UGT1A10: variants seen among roughly 807,000 people sequenced by gnomAD.
UGT1A10 encodes UDP-glucuronosyltransferase 1A10.
In UGT1A10, 49 loss-of-function variants were observed where a neutral mutation model predicts 45.8. The ratio of observed to expected loss-of-function variants is 1.07; its 90% CI spans 0.85 to 1.36. UGT1A10 has a LOEUF of 1.36. UGT1A10 is among the 40% of genes most tolerant of loss of function. UGT1A10 has a pLI of 0.00. For missense variants in UGT1A10, 745 were observed against 668.6 expected (o/e 1.11, Z -1.26); for synonymous variants, 284 against 249.7 (o/e 1.14, Z -1.29).
chr2:233,745,759 G>A (rs1184455578), intron 1 of UGT1A10, among the ~76,000 whole-genome samples: 1 of 150,666 alleles, frequency 6.6e-6, no homozygotes, highest in Non-Finnish European at 1.5e-5. Flanking sequence ...CAGAAGGGGT[G>A]GAGAGGAGGA....
intron 1 of UGT1A10, chr2:233,671,863 T>C: frequency 6.6e-7 from 1 of 1,517,102 alleles, no homozygotes; most frequent in Non-Finnish European, 8.8e-7. Flanking sequence ...GGTTTTGTGC[T>C]GGTATTTCTC....
Position 233,768,300 on chromosome 2 carries a change from G to C in UGT1A10, c.1156G>C (p.Val386Leu), listed in dbSNP as rs1365887380. Residue 386 changes from valine (V) to leucine (L), a missense_variant, in exon 4 of 5, where the codon GTG becomes CTG. Coordinates refer to ENST00000344644, the MANE Select transcript of UGT1A10 (RefSeq NM_019075.4). Reference protein sequence around the residue: ...YESICNGVPMVMMPLFGDQMD... With the variant: ...YESICNGVPMLMMPLFGDQMD... ...AAGCATATGCAATGGCGTTCCCATG[G>C]TGATGATGCCCTTGTTTGGTGATCA... 1 of 1,614,196 alleles carries C rather than the reference G, an allele frequency of 6.2e-7. No homozygotes were observed. Among genetic ancestry groups the C allele is most frequent in the Admixed American group, 1.7e-5 (1 of 60,014 alleles).
At chr2:233,638,769 TGAAAGAGTGACCGTTC>T (rs1199676930) in intron 1 of UGT1A10, among the ~76,000 whole-genome samples, 1 of 152,166 alleles carries the variant, frequency 6.6e-6, no homozygotes, top group East Asian at 1.9e-4. Flanking sequence ...AGATGGTTGG[TGAAAGAGTGACCGTTC>T]AGCCATCTCA....
At chr2:233,720,329 A>G (rs2076851533) in intron 1 of UGT1A10, among the ~76,000 whole-genome samples, 1 of 152,074 alleles carries the variant, frequency 6.6e-6, no homozygotes, top group Admixed American at 6.5e-5. Flanking sequence ...GACATCGTAG[A>G]GTTTGGAAGG....
intron 1 of UGT1A10, among the ~76,000 whole-genome samples, chr2:233,641,843 C>T (rs1466898153): frequency 6.6e-6 from 1 of 152,086 alleles, no homozygotes. Context: ...CTCTCCTGGC[C>T]TGTAAGGGTT....
intron 1 of UGT1A10, among the ~76,000 whole-genome samples, chr2:233,696,549 T>C (rs1159703071): frequency 2.6e-5 from 4 of 152,222 alleles, no homozygotes; most frequent in Non-Finnish European, 4.4e-5. Flanking sequence ...TTTCTGAATA[T>C]ATTATGTCAT....
intron 1 of UGT1A10, among the ~76,000 whole-genome samples, chr2:233,640,479 T>A (rs1049796080): frequency 9.8e-5 from 15 of 152,290 alleles, no homozygotes; most frequent in African/African-American, 2.6e-4. Context: ...TATTATCTCA[T>A]TTCTAGCCCA....
intron 1 of UGT1A10, among the ~76,000 whole-genome samples, chr2:233,695,531 T>C (rs988065073): frequency 7.9e-5 from 12 of 152,050 alleles, no homozygotes; most frequent in Admixed American, 7.9e-4. Flanking sequence ...TTCTTTTTTC[T>C]TTTTCTTTTT....
chr2:233,734,021 G>A (rs2078468168), intron 1 of UGT1A10, among the ~76,000 whole-genome samples: 1 of 152,072 alleles, frequency 6.6e-6, no homozygotes, highest in Non-Finnish European at 1.5e-5. Context: ...ACGAGTTAAT[G>A]GGTGCAGCAC....
intron 1 of UGT1A10, chr2:233,740,614 G>C (rs1166695020): frequency 6.6e-6 from 1 of 151,764 alleles, no homozygotes; most frequent in Non-Finnish European, 1.5e-5. Context: ...AGGTCTCTTG[G>C]GGCTCACAGG....
At chr2:233,736,510 T>C (rs77531777) in intron 1 of UGT1A10, among the ~76,000 whole-genome samples, 9,193 of 152,294 alleles carry the variant, frequency 0.06, 873 homozygotes, top group African/African-American at 0.21. Flanking sequence ...AGCCTACTTC[T>C]GTCAACTCGT....
chr2:233,640,343 T>A (rs1361298832), intron 1 of UGT1A10, among the ~76,000 whole-genome samples: 1 of 152,190 alleles, frequency 6.6e-6, no homozygotes, highest in Non-Finnish European at 1.5e-5. Flanking sequence ...TGGCTGTCAT[T>A]TTTTTAGTGG....
chr2:233,668,165 C>T (rs139982547), intron 1 of UGT1A10, among the ~76,000 whole-genome samples: 164 of 152,200 alleles, frequency 1.1e-3, no homozygotes, highest in African/African-American at 3.7e-3. Flanking sequence ...ATTAACTCGT[C>T]ATTTACATTA....
At chr2:233,753,955 A>G (rs892608608) in intron 1 of UGT1A10, among the ~76,000 whole-genome samples, 11 of 152,214 alleles carry the variant, frequency 7.2e-5, no homozygotes, top group Non-Finnish European at 1.6e-4. Context: ...CCTCCAAAAT[A>G]TTAAGAGAAT....
intron 1 of UGT1A10, among the ~76,000 whole-genome samples, chr2:233,695,211 C>T (rs1186874462): frequency 6.6e-6 from 1 of 150,648 alleles, no homozygotes. Flanking sequence ...CTGCAACCTC[C>T]ACCTCCTGGG....
chr2:233,754,803 G>T lies in UGT1A10; in HGVS notation c.856-12231G>T, dbSNP rs550413061. 8.8e-5 allele frequency: 113 copies of T among 1,279,154 alleles called. No homozygotes were observed. In the South Asian group the frequency reaches 1.3e-3, roughly 15 times the overall value. The allele number at this position is 1,279,154 out of a possible 1,614,324, so 79.2% of individuals were successfully genotyped here. On this transcript the variant is annotated intron_variant, in intron 1 of 4. Transcript: ENST00000344644. ...AAAGGAACGAAATCCTGTATCAAAAGAAGAAAAACCACCCTCAAAAGCTGG... is the reference window on the plus strand; with the variant it reads ...AAAGGAACGAAATCCTGTATCAAAATAAGAAAAACCACCCTCAAAAGCTGG...
Position 233,772,748 on chromosome 2 carries a change from T to C in UGT1A10, c.*189T>C. 7.0e-7 allele frequency: 1 copy of C among 1,420,206 alleles called. No individual in the cohort carries two copies. The highest frequency in any genetic ancestry group is 9.2e-7 in the Non-Finnish European group (1 of 1,083,550). The allele number at this position is 1,420,206 out of a possible 1,614,324, so 88.0% of individuals were successfully genotyped here. A position where few individuals can be genotyped will look rare whatever the true frequency, so the allele number is the denominator to read the frequency against. ...AGACTCGCTAGTCAGTAAAGATATT[T>C]GAATATGTATCGTGCCCCCTCTGGT... On this transcript the variant is annotated 3_prime_UTR_variant, in exon 5 of 5. Transcript: ENST00000344644.
At chr2:233,715,333 G>A (rs2076445731) in intron 1 of UGT1A10, among the ~76,000 whole-genome samples, 1 of 152,000 alleles carries the variant, frequency 6.6e-6, no homozygotes, top group South Asian at 2.1e-4. Flanking sequence ...TGATTAGATT[G>A]GTGCATGTAG....
chr2:233,762,967 G>A (rs568860226), intron 1 of UGT1A10, among the ~76,000 whole-genome samples: 7 of 152,218 alleles, frequency 4.6e-5, no homozygotes, highest in Admixed American at 6.5e-5. Context: ...AAAGATGCCC[G>A]TCTTGCTGCT....
Sources: gnomAD v4.1 joint callset for allele counts (sites outside exome capture counted in the v4.1 genomes callset) on GRCh38, gnomAD v4.1.1 for gene constraint, MANE v1.5 for transcripts, NCBI Gene and HGNC (gene_info 2026-07-23, HGNC 2026-07-21) for gene names.